The following LRRC8B variants were observed in gnomAD, a reference collection of about 807,000 sequenced individuals.
LRRC8B encodes leucine rich repeat containing 8 VRAC subunit B.
In LRRC8B, 23 loss-of-function variants were observed where a neutral mutation model predicts 58.8. That is an observed-to-expected ratio of 0.39 (90% CI 0.28 to 0.55). The LOEUF (loss-of-function observed/expected upper bound fraction) is 0.55. Ranked by LOEUF, LRRC8B falls within the 20% of genes least tolerant of loss-of-function variation. LRRC8B has a pLI of 0.62. For missense variants in LRRC8B, 694 were observed against 936.0 expected, an observed-to-expected ratio of 0.74 and a Z score of 3.37; for synonymous variants, 359 against 374.1, an observed-to-expected ratio of 0.96 and a Z score of 0.47.
In LRRC8B at chr1:89,527,195, T is replaced by C. The variant is rs562434755; in HGVS notation, c.-241+2173T>C. Among the ~76,000 whole-genome samples, 3 of 152,368 alleles carry C rather than the reference T, an allele frequency of 2.0e-5. No homozygotes were observed. The East Asian group carries it at 5.8e-4, about 29-fold the overall frequency. On this transcript the variant is annotated intron_variant, in intron 1 of 5. Coordinates refer to ENST00000330947, the MANE Select transcript of LRRC8B (RefSeq NM_001369817.2). ...ATAAACAAGGGTTTTTGTTTTTGTATTTTAGTTTTCAAATTCTTCTAATAG... is the reference window on the plus strand; with the variant it reads ...ATAAACAAGGGTTTTTGTTTTTGTACTTTAGTTTTCAAATTCTTCTAATAG...
At chr1:89,544,287 T>C (rs2100857041) in intron 1 of LRRC8B, among the ~76,000 whole-genome samples, 1 of 152,304 alleles carries the variant, frequency 6.6e-6, no homozygotes, top group Admixed American at 6.5e-5. Flanking sequence ...CATGGTAAAG[T>C]CGTAGTAAAA....
chr1:89,541,582 G>A (rs1386942891), intron 1 of LRRC8B, among the ~76,000 whole-genome samples: 1 of 149,612 alleles, frequency 6.7e-6, no homozygotes, highest in Non-Finnish European at 1.5e-5. Flanking sequence ...GTAGTGGCGG[G>A]CGCCTGTAGT....
chr1:89,573,594 GTAT>G (rs1653626962), intron 3 of LRRC8B, among the ~76,000 whole-genome samples: 1 of 152,046 alleles, frequency 6.6e-6, no homozygotes, highest in African/African-American at 2.4e-5. Context: ...TGGTTTCTGT[GTAT>G]TATTTTATGA....
intron 3 of LRRC8B, among the ~76,000 whole-genome samples, chr1:89,579,174 G>A (rs1654054259): frequency 6.6e-6 from 1 of 152,184 alleles, no homozygotes; most frequent in South Asian, 2.1e-4. Context: ...ATGAGTGAGA[G>A]AAATTAACAT....
intron 1 of LRRC8B, among the ~76,000 whole-genome samples, chr1:89,534,720 A>G (rs948387254): frequency 6.6e-6 from 1 of 152,246 alleles, no homozygotes; most frequent in South Asian, 2.1e-4. Context: ...CCATATAAAT[A>G]TATGGGAATG....
At chr1:89,570,911 C>A (rs1284311275) in intron 3 of LRRC8B, among the ~76,000 whole-genome samples, 1 of 152,080 alleles carries the variant, frequency 6.6e-6, no homozygotes, top group Non-Finnish European at 1.5e-5. Context: ...AGGAAGGGGT[C>A]CAGTTTTAAT....
At chr1:89,540,664 C>T (rs1249842843) in intron 1 of LRRC8B, among the ~76,000 whole-genome samples, 3 of 152,116 alleles carry the variant, frequency 2.0e-5, no homozygotes, top group African/African-American at 7.2e-5. Flanking sequence ...ACAGCTTCCT[C>T]AGGAAGAGCC....
At chr1:89,542,976 A>G (rs1249784817) in intron 1 of LRRC8B, among the ~76,000 whole-genome samples, 1 of 152,214 alleles carries the variant, frequency 6.6e-6, no homozygotes, top group Non-Finnish European at 1.5e-5. Flanking sequence ...CTAGACTTAA[A>G]TTTACTTTTT....
At chr1:89,560,200 G>C (rs992825534) in intron 1 of LRRC8B, among the ~76,000 whole-genome samples, 1 of 152,138 alleles carries the variant, frequency 6.6e-6, no homozygotes, top group African/African-American at 2.4e-5. Flanking sequence ...ATTTGATCAG[G>C]TCATGCTGCC....
At chr1:89,584,832 T>C (rs754508665) in intron 5 of LRRC8B, 43 bp downstream of exon 5, 1 of 1,312,502 alleles carries the variant, frequency 7.6e-7, no homozygotes, top group Non-Finnish European at 1.1e-6. Flanking sequence ...TCTGCCGTAC[T>C]TATAGTGCAT....
chr1:89,526,203 G>C (rs1031915788), intron 1 of LRRC8B, among the ~76,000 whole-genome samples: 3 of 152,098 alleles, frequency 2.0e-5, no homozygotes, highest in African/African-American at 7.2e-5. Flanking sequence ...AACCCCAAAT[G>C]CTCTTTGTTT....
At chr1:89,561,393 T>C (rs1210443258) in intron 1 of LRRC8B, among the ~76,000 whole-genome samples, 1 of 131,222 alleles carries the variant, frequency 7.6e-6, no homozygotes, top group African/African-American at 2.8e-5. Context: ...TTAGTTTAAT[T>C]AGATCCCATT....
chr1:89,525,475 G>A (rs1570538159), intron 1 of LRRC8B, among the ~76,000 whole-genome samples: 1 of 152,240 alleles, frequency 6.6e-6, no homozygotes, highest in East Asian at 1.9e-4. Context: ...TTTGCCCCCT[G>A]CGCTGGCGCT....
intron 4 of LRRC8B, among the ~76,000 whole-genome samples, chr1:89,581,151 T>C (rs1216559660): frequency 6.6e-6 from 1 of 151,688 alleles, no homozygotes; most frequent in Non-Finnish European, 1.5e-5. Flanking sequence ...ACACAAAAAT[T>C]AGCTGGGCGT....
chr1:89,584,809 C>T lies in LRRC8B; in HGVS notation c.2139+20C>T. 1 of 1,510,040 alleles carries T rather than the reference C, an allele frequency of 6.6e-7. No individual in the cohort carries two copies. Among genetic ancestry groups the T allele is most frequent in the South Asian group, 1.2e-5 (1 of 80,688 alleles). 93.5% of individuals were successfully genotyped at this position (1,510,040 alleles called of 1,614,324 possible). ...AACAATGTAAGTAAATCCATTCTTT[C>T]TTTTATTCAGTATCTGCCGTACTTA... is the stretch of plus-strand genomic sequence containing the variant. On this transcript the variant is annotated intron_variant, in intron 5 of 5. Transcript: ENST00000330947.
chr1:89,534,940 G>T (rs1650419379), intron 1 of LRRC8B, among the ~76,000 whole-genome samples: 1 of 152,038 alleles, frequency 6.6e-6, no homozygotes, highest in Non-Finnish European at 1.5e-5. Context: ...CACTTTGTCA[G>T]TATCTGTAAT....
At chr1:89,565,882 G>A (rs532941135) in intron 1 of LRRC8B, among the ~76,000 whole-genome samples, 2 of 152,302 alleles carry the variant, frequency 1.3e-5, no homozygotes, top group South Asian at 2.1e-4. Flanking sequence ...GAGTAGTGAA[G>A]CACTGTATCG....
At chr1:89,528,738 A>G (rs1649886129) in intron 1 of LRRC8B, among the ~76,000 whole-genome samples, 1 of 152,214 alleles carries the variant, frequency 6.6e-6, no homozygotes, top group Admixed American at 6.5e-5. Context: ...TCTACCATAT[A>G]TAAGATGAGG....
Sources: gnomAD v4.1 joint callset for allele counts (sites outside exome capture counted in the v4.1 genomes callset) on GRCh38, gnomAD v4.1.1 for gene constraint, MANE v1.5 for transcripts, NCBI Gene and HGNC (gene_info 2026-07-23, HGNC 2026-07-21) for gene names.